The following OR51C1 variants were observed in gnomAD, a reference collection of about 807,000 sequenced individuals.
The protein encoded by OR51C1 is olfactory receptor family 51 subfamily C member 1.
At chr11:4,697,053 G>A in the OR51C1 span, among the ~76,000 whole-genome samples, 147,256 of 152,316 alleles carry the variant, frequency 0.97, 71,400 homozygotes, top group East Asian at 1. Flanking sequence ...TTCTTACTAT[G>A]TCATCATGTG....
chr11:4,696,466 C>A, the OR51C1 span, among the ~76,000 whole-genome samples: 1 of 152,114 alleles, frequency 6.6e-6, no homozygotes, highest in Admixed American at 6.5e-5. Context: ...AAGATGAGAA[C>A]CTCGGGAGGT....
chr11:4,693,718 T>C, the OR51C1 span, among the ~76,000 whole-genome samples: 1 of 151,976 alleles, frequency 6.6e-6, no homozygotes, highest in Non-Finnish European at 1.5e-5. Context: ...CGAGACTCCG[T>C]TTCAAAAAAC....
At chr11:4,696,315 C>T in the OR51C1 span, among the ~76,000 whole-genome samples, 5 of 152,100 alleles carry the variant, frequency 3.3e-5, no homozygotes, top group East Asian at 3.9e-4. Context: ...CAAACGACAT[C>T]GAACTCTAGT....
At chr11:4,690,490 C>G in the OR51C1 span, 15 of 181,908 alleles carry the variant, frequency 8.2e-5, no homozygotes, top group Admixed American at 1.1e-4. Flanking sequence ...CAGTTTGGAC[C>G]CAACAGTGGT....
At chr11:4,695,486 C>T in the OR51C1 span, among the ~76,000 whole-genome samples, 2 of 152,094 alleles carry the variant, frequency 1.3e-5, no homozygotes, top group African/African-American at 4.8e-5. Context: ...AAGACATAAG[C>T]CCTGTTTCTC....
chr11:4,695,479 A>G, the OR51C1 span, among the ~76,000 whole-genome samples: 4 of 152,196 alleles, frequency 2.6e-5, no homozygotes, highest in Non-Finnish European at 5.9e-5. Context: ...GGGATACAAG[A>G]CATAAGCCCT....
At chr11:4,693,134 T>C in the OR51C1 span, among the ~76,000 whole-genome samples, 2 of 152,090 alleles carry the variant, frequency 1.3e-5, no homozygotes, top group African/African-American at 4.8e-5. Flanking sequence ...ATGATAAATA[T>C]TTGAGGTGAT....
chr11:4,696,030 G>A, the OR51C1 span, among the ~76,000 whole-genome samples: 2 of 152,126 alleles, frequency 1.3e-5, no homozygotes, highest in Non-Finnish European at 2.9e-5. Flanking sequence ...TAACGCTGTG[G>A]CAAAGTTTCT....
chr11:4,692,207 A>C, the OR51C1 span: 3 of 448,938 alleles, frequency 6.7e-6, no homozygotes, highest in African/African-American at 2.0e-5. Flanking sequence ...TTGGGAAGCC[A>C]GAAAATATGA....
At chr11:4,692,785 C>T in the OR51C1 span, among the ~76,000 whole-genome samples, 15 of 149,312 alleles carry the variant, frequency 1.0e-4, no homozygotes, top group Admixed American at 1.3e-4. Flanking sequence ...GGAACCTCAA[C>T]GTATCCAGAC....
At chr11:4,695,648 A>G in the OR51C1 span, among the ~76,000 whole-genome samples, 2 of 152,312 alleles carry the variant, frequency 1.3e-5, no homozygotes, top group East Asian at 3.9e-4. Flanking sequence ...GTGATTTTCT[A>G]CATGCCAAGT....
the OR51C1 span, among the ~76,000 whole-genome samples, chr11:4,695,258 C>A: frequency 6.6e-6 from 1 of 152,126 alleles, no homozygotes; most frequent in African/African-American, 2.4e-5. Context: ...CATTTTCCAT[C>A]TCTTCTCATT....
At chr11:4,697,250 T>C in the OR51C1 span, among the ~76,000 whole-genome samples, 1 of 152,214 alleles carries the variant, frequency 6.6e-6, no homozygotes, top group Non-Finnish European at 1.5e-5. Context: ...ACAAGTAATA[T>C]AAACTTTCTG....
chr11:4,690,592 A>G, the OR51C1 span: 1 of 259,224 alleles, frequency 3.9e-6, no homozygotes, highest in African/African-American at 2.3e-5. Flanking sequence ...AAAATAAAGT[A>G]GTCAAACTAG....
chr11:4,693,971 A>G, the OR51C1 span, among the ~76,000 whole-genome samples: 671 of 152,354 alleles, frequency 4.4e-3, 8 homozygotes, highest in African/African-American at 0.015. Context: ...AAAAATGGTT[A>G]TGAAAGTACA....
the OR51C1 span, among the ~76,000 whole-genome samples, chr11:4,696,088 A>G: frequency 1.3e-5 from 2 of 152,208 alleles, no homozygotes. Flanking sequence ...ACAGTGAAGC[A>G]ATCAAACCTG....
the OR51C1 span, among the ~76,000 whole-genome samples, chr11:4,694,093 T>G: frequency 2.0e-5 from 3 of 152,172 alleles, no homozygotes; most frequent in African/African-American, 7.2e-5. Context: ...TGTAACCACT[T>G]AAAAAAATTA....
the OR51C1 span, chr11:4,692,053 C>T: frequency 5.1e-5 from 19 of 370,372 alleles, no homozygotes; most frequent in Non-Finnish European, 9.1e-5. Context: ...ATATTTCATT[C>T]TTTATGGCAT....
At chr11:4,691,000 C>T in the OR51C1 span, 2 of 455,142 alleles carry the variant, frequency 4.4e-6, no homozygotes, top group South Asian at 1.6e-5. Flanking sequence ...TCCTTCCTCT[C>T]TTCTGGGGAA....
Sources: gnomAD v4.1 joint callset for allele counts (sites outside exome capture counted in the v4.1 genomes callset) on GRCh38, gnomAD v4.1.1 for gene constraint, MANE v1.5 for transcripts, NCBI Gene and HGNC (gene_info 2026-07-23, HGNC 2026-07-21) for gene names.